The following TSPAN5 variants were observed in gnomAD, a reference collection of about 807,000 sequenced individuals.
The protein encoded by TSPAN5 is tetraspanin-5.
Under a neutral mutation model 37.1 loss-of-function variants are expected in TSPAN5, and 10 were observed. The observed-to-expected ratio is 0.27, with a 90% CI of 0.17 to 0.46. The LOEUF is 0.46. Among genes scored for constraint, TSPAN5 ranks in the 20% least tolerant of loss-of-function variants. The probability of loss-of-function intolerance (pLI) is 1.00; values close to 1 mark genes in which losing one functional copy is unlikely to be tolerated. For synonymous variants in TSPAN5, 110 were observed against 118.9 expected (o/e 0.93, Z 0.48); for missense variants, 195 against 326.6 (o/e 0.60, Z 3.11).
intron 1 of TSPAN5, among the ~76,000 whole-genome samples, chr4:98,629,816 G>A (rs1407457093): frequency 6.6e-6 from 1 of 152,214 alleles, no homozygotes; most frequent in Non-Finnish European, 1.5e-5. Context: ...CAGACTGTTA[G>A]TGAGTGAATA....
intron 1 of TSPAN5, among the ~76,000 whole-genome samples, chr4:98,527,931 A>G (rs574373372): frequency 1.3e-5 from 2 of 152,360 alleles, no homozygotes; most frequent in African/African-American, 4.8e-5. Flanking sequence ...TTTCTGATGA[A>G]TATGAAATAT....
At chr4:98,497,026 CTT>C (rs1268902716) in intron 2 of TSPAN5, among the ~76,000 whole-genome samples, 1 of 151,912 alleles carries the variant, frequency 6.6e-6, no homozygotes, top group Non-Finnish European at 1.5e-5. Flanking sequence ...GGATTAGTGT[CTT>C]TATAAGAAAA....
At chr4:98,657,734 T>C (rs1005412610) in intron 1 of TSPAN5, 2 of 253,540 alleles carry the variant, frequency 7.9e-6, no homozygotes, top group Admixed American at 5.8e-5. Context: ...TGTTAGAAGG[T>C]GGACCTCAGG....
intron 1 of TSPAN5, among the ~76,000 whole-genome samples, chr4:98,512,335 T>C (rs185497444): frequency 1.4e-4 from 22 of 152,356 alleles, no homozygotes; most frequent in Admixed American, 1.3e-3. Flanking sequence ...ACTTTCCTAA[T>C]ATGCACAGAA....
At chr4:98,530,934 T>G (rs1332544667) in intron 1 of TSPAN5, among the ~76,000 whole-genome samples, 1 of 152,114 alleles carries the variant, frequency 6.6e-6, no homozygotes, top group African/African-American at 2.4e-5. Context: ...TAAAAGACGG[T>G]CTCACTATGT....
intron 1 of TSPAN5, among the ~76,000 whole-genome samples, chr4:98,552,206 G>C (rs2110156401): frequency 6.6e-6 from 1 of 152,146 alleles, no homozygotes; most frequent in East Asian, 1.9e-4. Context: ...AGTTCATGTA[G>C]TTTTGCTCTG....
chr4:98,632,400 C>T (rs1396557969), intron 1 of TSPAN5, among the ~76,000 whole-genome samples: 1 of 152,128 alleles, frequency 6.6e-6, no homozygotes, highest in East Asian at 1.9e-4. Flanking sequence ...ACAATAAAAC[C>T]TTTTACCTGA....
chr4:98,519,114 C>T (rs1012927140), intron 1 of TSPAN5, among the ~76,000 whole-genome samples: 8 of 152,054 alleles, frequency 5.3e-5, no homozygotes, highest in East Asian at 1.9e-4. Flanking sequence ...AAGAGGCAGC[C>T]GCAGCAAGAT....
intron 1 of TSPAN5, among the ~76,000 whole-genome samples, chr4:98,589,561 T>G (rs1755576463): frequency 6.6e-6 from 1 of 152,232 alleles, no homozygotes; most frequent in Non-Finnish European, 1.5e-5. Context: ...TCTTTCCTCC[T>G]TAGCAGGATT....
rs146744401 is a variant in TSPAN5 at position 98,624,376 on chromosome 4, A to G, written c.81+33770T>C. On this transcript the variant is annotated intron_variant, in intron 1 of 7. Coordinates refer to ENST00000305798, the MANE Select transcript of TSPAN5 (RefSeq NM_005723.4). ...TTATTGCCAAGTACAGACTAAGTGC[A>G]GCATAATGATGAGGAGATAAAGTCA... 3.1e-3 allele frequency among the ~76,000 whole-genome samples: 474 copies of G among 152,328 alleles called. 2 individuals carry two copies. The highest frequency in any genetic ancestry group is 0.011 in the African/African-American group (456 of 41,584).
At chr4:98,492,318 G>A (rs1343018411) in intron 2 of TSPAN5, among the ~76,000 whole-genome samples, 4 of 152,052 alleles carry the variant, frequency 2.6e-5, no homozygotes, top group Middle Eastern at 3.2e-3. Context: ...GCAGAAAACC[G>A]CGCTCAAGAA....
chr4:98,648,211 T>G (rs1444285334), intron 1 of TSPAN5, among the ~76,000 whole-genome samples: 1 of 152,160 alleles, frequency 6.6e-6, no homozygotes, highest in Non-Finnish European at 1.5e-5. Flanking sequence ...CAGAGGGAAT[T>G]CAATGAACCT....
chr4:98,589,306 TA>T (rs1233338567), intron 1 of TSPAN5, among the ~76,000 whole-genome samples: 1 of 152,190 alleles, frequency 6.6e-6, no homozygotes, highest in Non-Finnish European at 1.5e-5. Flanking sequence ...ATGGGTCAAT[TA>T]ATCTCCTGGA....
At position 98,476,325 on chromosome 4, in the gene TSPAN5, A is replaced by G; in HGVS notation, c.625-20T>C. 1 of 1,613,434 alleles carries G rather than the reference A, an allele frequency of 6.2e-7. No homozygotes were observed. The highest frequency in any genetic ancestry group is 8.5e-7 in the Non-Finnish European group (1 of 1,179,318). On this transcript the variant is annotated intron_variant, in intron 6 of 7. Coordinates refer to ENST00000305798, the MANE Select transcript of TSPAN5 (RefSeq NM_005723.4). Reference sequence around the variant, plus strand: ...AACTTCCTTCACAAGAGAAGAGGAGAGCACATTGTCACAGATAGAGCACCA... The same window carrying G: ...AACTTCCTTCACAAGAGAAGAGGAGGGCACATTGTCACAGATAGAGCACCA...
intron 1 of TSPAN5, among the ~76,000 whole-genome samples, chr4:98,567,993 G>A (rs1755045405): frequency 6.6e-6 from 1 of 152,188 alleles, no homozygotes; most frequent in African/African-American, 2.4e-5. Flanking sequence ...CTACTTGAAA[G>A]GACTAAATGA....
chr4:98,631,589 A>G (rs1346100837), intron 1 of TSPAN5, among the ~76,000 whole-genome samples: 1 of 152,180 alleles, frequency 6.6e-6, no homozygotes, highest in Non-Finnish European at 1.5e-5. Flanking sequence ...CACCACTTCA[A>G]GGTCCCATCC....
chr4:98,616,194 C>A (rs2110241087), intron 1 of TSPAN5, among the ~76,000 whole-genome samples: 1 of 152,122 alleles, frequency 6.6e-6, no homozygotes, highest in South Asian at 2.1e-4. Flanking sequence ...CCACATCACT[C>A]CTCAGAACCA....
chr4:98,590,943 G>A (rs999750886), intron 1 of TSPAN5, among the ~76,000 whole-genome samples: 5 of 152,160 alleles, frequency 3.3e-5, no homozygotes, highest in African/African-American at 7.2e-5. Context: ...TTGGGTACCT[G>A]TAATCAGTAA....
chr4:98,581,126 T>C (rs1172701248), intron 1 of TSPAN5, among the ~76,000 whole-genome samples: 3 of 152,218 alleles, frequency 2.0e-5, no homozygotes, highest in Non-Finnish European at 2.9e-5. Flanking sequence ...TAGTACTCAT[T>C]TGGGGGAATC....
Sources: gnomAD v4.1 joint callset for allele counts (sites outside exome capture counted in the v4.1 genomes callset) on GRCh38, gnomAD v4.1.1 for gene constraint, MANE v1.5 for transcripts, NCBI Gene and HGNC (gene_info 2026-07-23, HGNC 2026-07-21) for gene names.